CTNNA3: variants seen among roughly 807,000 people sequenced by gnomAD.
The protein encoded by CTNNA3 is catenin alpha 3.
A neutral mutation model predicts 95.7 loss-of-function variants in CTNNA3; 76 were observed. The ratio of observed to expected loss-of-function variants is 0.79; its 90% CI spans 0.66 to 0.96. The LOEUF is 0.96. CTNNA3 is among the 40% of genes least tolerant of loss of function. The pLI, the probability that CTNNA3 is intolerant of heterozygous loss-of-function variation, is 0.00. For missense variants in CTNNA3, 1,191 were observed against 1,089.8 expected (o/e 1.09, Z -1.31); for synonymous variants, 431 against 374.4 (o/e 1.15, Z -1.74).
At chr10:67,117,543 TGAAAA>T (rs1469487234) in intron 7 of CTNNA3, among the ~76,000 whole-genome samples, 1 of 151,992 alleles carries the variant, frequency 6.6e-6, no homozygotes, top group African/African-American at 2.4e-5. Flanking sequence ...AGAAAAACAA[TGAAAA>T]GAAGACTGTA....
At chr10:67,332,548 C>A (rs1365073023) in intron 5 of CTNNA3, among the ~76,000 whole-genome samples, 1 of 152,138 alleles carries the variant, frequency 6.6e-6, no homozygotes, top group Non-Finnish European at 1.5e-5. Context: ...GGATACAGAT[C>A]CCATTTTTTG....
chr10:67,361,823 CA>C (rs1258973534), intron 5 of CTNNA3, among the ~76,000 whole-genome samples: 1 of 151,932 alleles, frequency 6.6e-6, no homozygotes. Flanking sequence ...AAAGCAGCAA[CA>C]AAACCAAAAG....
intron 5 of CTNNA3, among the ~76,000 whole-genome samples, chr10:67,347,830 C>A (rs1842486410): frequency 1.9e-5 from 1 of 51,382 alleles, no homozygotes. Flanking sequence ...TAGTGTTTTC[C>A]TGAAAAAAAA....
rs1047571492 is a variant in CTNNA3, at chr10:66,377,653, C to A, written c.1732+1499G>T. Reference sequence around the variant, plus strand: ...TTCCTGATAGGAAATTTTTATTTGTCTAAAAAAAAAACCCCTGTTACATTC... The same window carrying A: ...TTCCTGATAGGAAATTTTTATTTGTATAAAAAAAAAACCCCTGTTACATTC... On this transcript the variant is annotated intron_variant, in intron 12 of 17. Coordinates refer to ENST00000433211, the MANE Select transcript of CTNNA3 (RefSeq NM_013266.4). Among the ~76,000 whole-genome samples the A allele has an allele frequency of 1.3e-5, 2 of 148,154 alleles. 1 individual carries two copies. Among genetic ancestry groups the A allele is most frequent in the South Asian group, 4.3e-4 (2 of 4,618 alleles).
At chr10:65,959,485 T>C (rs752306049) in intron 17 of CTNNA3, among the ~76,000 whole-genome samples, 2 of 152,154 alleles carry the variant, frequency 1.3e-5, no homozygotes, top group Non-Finnish European at 2.9e-5. Flanking sequence ...CTGGGAGCTG[T>C]GGACTGGAGC....
intron 1 of CTNNA3, among the ~76,000 whole-genome samples, chr10:67,759,893 C>T (rs2131757489): frequency 6.6e-6 from 1 of 152,210 alleles, no homozygotes; most frequent in South Asian, 2.1e-4. Context: ...GACGCCAAAC[C>T]TCAGATGAGA....
chr10:67,680,313 A>T (rs1350848998), intron 1 of CTNNA3, among the ~76,000 whole-genome samples: 1 of 152,196 alleles, frequency 6.6e-6, no homozygotes, highest in Non-Finnish European at 1.5e-5. Context: ...TATTTTAACA[A>T]TTTGTATGCC....
intron 7 of CTNNA3, among the ~76,000 whole-genome samples, chr10:67,056,672 C>A (rs1300258215): frequency 1.3e-5 from 2 of 152,102 alleles, no homozygotes; most frequent in Non-Finnish European, 2.9e-5. Context: ...ACCCAACAGT[C>A]CTCCACCCAC....
intron 7 of CTNNA3, among the ~76,000 whole-genome samples, chr10:66,831,463 C>A (rs1237678976): frequency 2.0e-5 from 3 of 152,202 alleles, no homozygotes; most frequent in African/African-American, 7.2e-5. Flanking sequence ...ACTCCACTAA[C>A]TTTTAATCCA....
chr10:67,726,642 A>C (rs1487865681), intron 1 of CTNNA3, among the ~76,000 whole-genome samples: 1 of 89,568 alleles, frequency 1.1e-5, no homozygotes, highest in African/African-American at 4.7e-5. Context: ...TATATATAAT[A>C]TATACTATAA....
At chr10:66,823,956 G>A (rs1295736397) in intron 7 of CTNNA3, among the ~76,000 whole-genome samples, 2 of 151,744 alleles carry the variant, frequency 1.3e-5, no homozygotes, top group Non-Finnish European at 2.9e-5. Flanking sequence ...TCAAATTTAT[G>A]TAACAGATAG....
At chr10:67,094,274 T>G (rs887315333) in intron 7 of CTNNA3, among the ~76,000 whole-genome samples, 1 of 151,940 alleles carries the variant, frequency 6.6e-6, no homozygotes, top group African/African-American at 2.4e-5. Context: ...GGTTCCTAAA[T>G]GGATATCCTA....
chr10:67,198,918 T>C (rs1406941362), intron 6 of CTNNA3, among the ~76,000 whole-genome samples: 1 of 152,144 alleles, frequency 6.6e-6, no homozygotes, highest in Non-Finnish European at 1.5e-5. Flanking sequence ...CCTTGGTGCT[T>C]TATCAATATG....
In CTNNA3 at chr10:66,325,531, C is replaced by T. The variant is rs150864490; in HGVS notation, c.1733-44910G>A. ...AAGTGCTGGGATTATAGGCATGAGC[C>T]GCTGCACCTGGCCAACAATGAGCTT... On this transcript the variant is annotated intron_variant, in intron 12 of 17. Coordinates refer to ENST00000433211, the MANE Select transcript of CTNNA3 (RefSeq NM_013266.4). Among the ~76,000 whole-genome samples the T allele has an allele frequency of 3.9e-3, 592 of 152,156 alleles. 6 individuals are homozygous for T. The highest frequency in any genetic ancestry group is 0.014 in the South Asian group (69 of 4,824).
intron 9 of CTNNA3, among the ~76,000 whole-genome samples, chr10:66,624,129 A>C (rs545827749): frequency 7.4e-4 from 112 of 152,176 alleles, no homozygotes; most frequent in Non-Finnish European, 1.5e-3. Flanking sequence ...GTTTCTGCTC[A>C]CTGAGGGAAA....
chr10:67,609,678 G>A (rs1001260341), intron 2 of CTNNA3, among the ~76,000 whole-genome samples: 5 of 152,146 alleles, frequency 3.3e-5, no homozygotes. Flanking sequence ...GTCAAATAAG[G>A]TAAAGTATTT....
chr10:67,498,481 G>A (rs1360658257), intron 5 of CTNNA3, among the ~76,000 whole-genome samples: 1 of 152,206 alleles, frequency 6.6e-6, no homozygotes, highest in East Asian at 1.9e-4. Flanking sequence ...AAAGTCAGTG[G>A]TAGCTTGATG....
chr10:67,762,179 A>G (rs896861770), intron 1 of CTNNA3, among the ~76,000 whole-genome samples: 13 of 79,862 alleles, frequency 1.6e-4, no homozygotes, highest in Non-Finnish European at 3.1e-4. Flanking sequence ...ACTATGATAA[A>G]TCAGCCAAAA....
intron 12 of CTNNA3, among the ~76,000 whole-genome samples, chr10:66,350,958 T>C (rs1248841172): frequency 1.3e-5 from 2 of 152,072 alleles, no homozygotes; most frequent in Non-Finnish European, 2.9e-5. Flanking sequence ...GATAACTTGA[T>C]AGTAAACAGC....
Sources: gnomAD v4.1 joint callset for allele counts (sites outside exome capture counted in the v4.1 genomes callset) on GRCh38, gnomAD v4.1.1 for gene constraint, MANE v1.5 for transcripts, NCBI Gene and HGNC (gene_info 2026-07-23, HGNC 2026-07-21) for gene names.